Variants in IGF1R observed in about 807,000 individuals in gnomAD.
IGF1R encodes the protein insulin like growth factor 1 receptor.
In IGF1R, 44 loss-of-function variants were observed where a neutral mutation model predicts 144.6. That is an observed-to-expected ratio of 0.30 (90% confidence interval 0.24 to 0.39). The LOEUF (loss-of-function observed/expected upper bound fraction) is 0.39. Ranked by LOEUF, IGF1R falls within the 10% of genes least tolerant of loss-of-function variation. IGF1R has a pLI of 1.00. For synonymous variants in IGF1R, 795 were observed against 722.8 expected, an observed-to-expected ratio of 1.10 and a Z score of -1.60; for missense variants, 1,355 against 1,833.7, an observed-to-expected ratio of 0.74 and a Z score of 4.77.
At chr15:98,949,306 C>A (rs1006307141) in intron 20 of IGF1R, among the ~76,000 whole-genome samples, 1 of 151,898 alleles carries the variant, frequency 6.6e-6, no homozygotes, top group East Asian at 1.9e-4. Context: ...CAATGTGGAC[C>A]TGGAGCGTGT....
chr15:98,921,942 T>A (rs2151690322), intron 10 of IGF1R, among the ~76,000 whole-genome samples: 1 of 152,132 alleles, frequency 6.6e-6, no homozygotes, highest in East Asian at 1.9e-4. Context: ...GGGTGAGAGT[T>A]TGTGTGCCCA....
At chr15:98,855,329 C>A (rs80238253) in intron 2 of IGF1R, among the ~76,000 whole-genome samples, 194 of 152,348 alleles carry the variant, frequency 1.3e-3, no homozygotes, top group Non-Finnish European at 2.4e-3. Context: ...CCGAGCCTGT[C>A]TTTCTGGAGA....
intron 20 of IGF1R, chr15:98,954,204 G>A (rs1207973254): frequency 2.0e-5 from 3 of 152,180 alleles, no homozygotes; most frequent in Non-Finnish European, 4.4e-5. Flanking sequence ...GCACCTCTGT[G>A]TGCTCACCCT....
chr15:98,909,656 G>A (rs1212055993), intron 6 of IGF1R, among the ~76,000 whole-genome samples: 2 of 152,190 alleles, frequency 1.3e-5, no homozygotes, highest in African/African-American at 2.4e-5. Flanking sequence ...GGTGGAGGGG[G>A]CTCTGCCCTA....
chr15:98,705,224 C>T (rs1033289637), intron 1 of IGF1R, among the ~76,000 whole-genome samples: 5 of 152,008 alleles, frequency 3.3e-5, no homozygotes, highest in Non-Finnish European at 5.9e-5. Flanking sequence ...TCAGGGAAGC[C>T]GAGAGGAGGA....
At chr15:98,824,956 C>A (rs1165462787) in intron 2 of IGF1R, among the ~76,000 whole-genome samples, 1 of 152,034 alleles carries the variant, frequency 6.6e-6, no homozygotes, top group Admixed American at 6.5e-5. Context: ...CCTGCCTCAG[C>A]CTCCCTAGTA....
intron 19 of IGF1R, among the ~76,000 whole-genome samples, chr15:98,944,536 C>T (rs999153916): frequency 6.6e-6 from 1 of 152,214 alleles, no homozygotes; most frequent in Non-Finnish European, 1.5e-5. Flanking sequence ...CTCAGCGGTC[C>T]AGGCTCTAAA....
intron 2 of IGF1R, among the ~76,000 whole-genome samples, chr15:98,857,428 G>A (rs746476945): frequency 1.1e-4 from 17 of 152,096 alleles, no homozygotes; most frequent in African/African-American, 2.4e-4. Flanking sequence ...CATGTTGGCC[G>A]GGCTGGTCTT....
At chr15:98,791,753 C>T (rs920888126) in intron 2 of IGF1R, among the ~76,000 whole-genome samples, 11 of 152,188 alleles carry the variant, frequency 7.2e-5, no homozygotes, top group South Asian at 2.1e-4. Flanking sequence ...GTAAATGTGA[C>T]GTAGCTAATG....
intron 1 of IGF1R, among the ~76,000 whole-genome samples, chr15:98,700,546 C>T (rs1596204041): frequency 6.6e-6 from 1 of 152,194 alleles, no homozygotes; most frequent in South Asian, 2.1e-4. Context: ...TGCGTTTTAA[C>T]AGTTCCTTCA....
intron 2 of IGF1R, among the ~76,000 whole-genome samples, chr15:98,774,811 C>T (rs2055673505): frequency 6.8e-6 from 1 of 148,066 alleles, no homozygotes; most frequent in Non-Finnish European, 1.5e-5. Context: ...CTTAACATTG[C>T]TGCACTCTAC....
At chr15:98,832,854 T>G (rs1162211376) in intron 2 of IGF1R, among the ~76,000 whole-genome samples, 3 of 152,258 alleles carry the variant, frequency 2.0e-5, no homozygotes, top group Non-Finnish European at 4.4e-5. Context: ...TGTTACAGGT[T>G]TGTGAAACCA....
rs775515500 is a variant in IGF1R, at chr15:98,923,826, C to A, written c.2486-50C>A. ...TCTCAGGTCAGCCCAGTGTTGGCCT[C>A]CCTCCCTGGGAACCCAAATCCAACT... On this transcript the variant is annotated intron_variant, in intron 11 of 20. Transcript: ENST00000650285. 48 of 1,554,604 alleles carry A rather than the reference C, an allele frequency of 3.1e-5. No individual in the cohort carries two copies. In the South Asian group the frequency reaches 5.2e-4, roughly 17 times the overall value.
intron 1 of IGF1R, among the ~76,000 whole-genome samples, chr15:98,682,850 T>A (rs541409085): frequency 1.5e-4 from 23 of 152,210 alleles, no homozygotes; most frequent in African/African-American, 5.3e-4. Context: ...CTGGCCTGGG[T>A]TGCTTTTTAA....
At chr15:98,741,921 A>G (rs2054755287) in intron 2 of IGF1R, among the ~76,000 whole-genome samples, 1 of 152,238 alleles carries the variant, frequency 6.6e-6, no homozygotes, top group South Asian at 2.1e-4. Context: ...GCACACCTGT[A>G]TACATGTGCA....
chr15:98,911,057 A>G (rs1596437750), intron 6 of IGF1R, among the ~76,000 whole-genome samples: 1 of 152,106 alleles, frequency 6.6e-6, no homozygotes, highest in Non-Finnish European at 1.5e-5. Flanking sequence ...AGGTTAGGAA[A>G]CCCAGGTTCA....
chr15:98,729,567 T>TC (rs2054449289), intron 2 of IGF1R, among the ~76,000 whole-genome samples: 1 of 151,774 alleles, frequency 6.6e-6, no homozygotes, highest in South Asian at 2.1e-4. Context: ...AATGTGCTTT[T>TC]TTTTTTTTTT....
chr15:98,949,338 CAGA>C (rs1178379980), intron 20 of IGF1R, among the ~76,000 whole-genome samples: 1 of 150,804 alleles, frequency 6.6e-6, no homozygotes, highest in Non-Finnish European at 1.5e-5. Context: ...TCCCTGCGGA[CAGA>C]AGGATGCCAG....
chr15:98,897,457 A>G (rs1034766198), intron 4 of IGF1R: 4 of 156,012 alleles, frequency 2.6e-5, no homozygotes, highest in African/African-American at 7.2e-5. Context: ...CCCCTGTACA[A>G]TGACCTTTAT....
Sources: gnomAD v4.1 joint callset for allele counts (sites outside exome capture counted in the v4.1 genomes callset) on GRCh38, gnomAD v4.1.1 for gene constraint, MANE v1.5 for transcripts, NCBI Gene and HGNC (gene_info 2026-07-23, HGNC 2026-07-21) for gene names.